The following CDS2 variants were observed in gnomAD, a reference collection of about 807,000 sequenced individuals.
The protein encoded by CDS2 is phosphatidate cytidylyltransferase 2.
Under a neutral mutation model 59.0 loss-of-function variants are expected in CDS2, and 47 were observed. The observed-to-expected ratio is 0.80, with a 90% CI of 0.63 to 1.02. CDS2 has a LOEUF of 1.02. CDS2 is among the 50% of genes least tolerant of loss of function. The pLI is 0.00. For missense variants in CDS2, 356 were observed against 558.9 expected, an observed-to-expected ratio of 0.64 and a Z score of 3.66; for synonymous variants, 207 against 206.4, an observed-to-expected ratio of 1.00 and a Z score of -0.02.
At chr20:5,165,318 A>G (rs2090905520) in intron 1 of CDS2, among the ~76,000 whole-genome samples, 1 of 152,166 alleles carries the variant, frequency 6.6e-6, no homozygotes, top group South Asian at 2.1e-4. Context: ...CTCTAGTGCT[A>G]CTGAGTGCAA....
Position 5,191,490 on chromosome 20 carries a change from G to A in CDS2, c.*1256G>A, listed in dbSNP as rs2091114299. Reference sequence around the variant, plus strand: ...GATTAGTTCTTTGTCAGGCCAACAAGTGATGGAGTGCGGGAGAGAGAACTT... The same window carrying A: ...GATTAGTTCTTTGTCAGGCCAACAAATGATGGAGTGCGGGAGAGAGAACTT... On this transcript the variant is annotated 3_prime_UTR_variant, in exon 13 of 13. Coordinates refer to ENST00000460006, the MANE Select transcript of CDS2 (RefSeq NM_003818.4). The A allele has an allele frequency of 6.6e-6, 1 of 152,176 alleles. No homozygotes were observed. Among genetic ancestry groups the A allele is most frequent in the African/African-American group, 2.4e-5 (1 of 41,448 alleles). The allele number at this position is 152,176 out of a possible 1,614,324, so 9.4% of individuals were successfully genotyped here. A position where few individuals can be genotyped will look rare whatever the true frequency, so the allele number is the denominator to read the frequency against.
At chr20:5,179,418 G>C (rs781744605) in intron 5 of CDS2, among the ~76,000 whole-genome samples, 1 of 152,228 alleles carries the variant, frequency 6.6e-6, no homozygotes, top group East Asian at 1.9e-4. Flanking sequence ...CACCACGCCC[G>C]GCCTTGTAGG....
intron 1 of CDS2, among the ~76,000 whole-genome samples, chr20:5,130,723 C>T (rs1423787754): frequency 2.0e-5 from 3 of 150,766 alleles, no homozygotes; most frequent in East Asian, 2.0e-4. Context: ...GCAGAGGTTC[C>T]GGTGAGCCGA....
intron 1 of CDS2, among the ~76,000 whole-genome samples, chr20:5,163,499 G>A (rs2090890541): frequency 1.3e-5 from 2 of 152,142 alleles, no homozygotes; most frequent in South Asian, 4.1e-4. Context: ...AACCTCAGGT[G>A]ATCCACCCGC....
Position 5,127,019 on chromosome 20 carries a change from C to T in CDS2, c.-74C>T, listed in dbSNP as rs1027189509. 3 of 1,391,306 alleles carry T rather than the reference C, an allele frequency of 2.2e-6. No individual in the cohort carries two copies. The Admixed American group carries it at 8.3e-5, about 38-fold the overall frequency. The allele number at this position is 1,391,306 out of a possible 1,614,324, so 86.2% of individuals were successfully genotyped here. A position where few individuals can be genotyped will look rare whatever the true frequency, so the allele number is the denominator to read the frequency against. Reference sequence around the variant, plus strand: ...GCGGGGCCGGCCGTGGGAGTCCGCGCGTGCCCGCGCCGAGCTGCCTGCTCC... The same window carrying T: ...GCGGGGCCGGCCGTGGGAGTCCGCGTGTGCCCGCGCCGAGCTGCCTGCTCC... On this transcript the variant is annotated 5_prime_UTR_variant, in exon 1 of 13. Transcript: ENST00000460006.
chr20:5,143,627 TTC>T (rs1387901929), intron 1 of CDS2, among the ~76,000 whole-genome samples: 44 of 142,844 alleles, frequency 3.1e-4, no homozygotes, highest in African/African-American at 1.1e-3. Flanking sequence ...CTTCTTCTTC[TTC>T]TTTTTTTTTT....
intron 1 of CDS2, among the ~76,000 whole-genome samples, chr20:5,138,543 T>C (rs1390657142): frequency 6.6e-6 from 1 of 151,904 alleles, no homozygotes; most frequent in African/African-American, 2.4e-5. Flanking sequence ...TGGAGTGCAA[T>C]GGCGCCATTT....
intron 12 of CDS2, 50 bp from the exon 13 acceptor site, chr20:5,190,052 G>A: frequency 6.3e-7 from 1 of 1,599,096 alleles, no homozygotes; most frequent in Non-Finnish European, 8.6e-7. Context: ...ATCAGGCCCT[G>A]GAAGCTTCCG....
intron 1 of CDS2, 135 bp downstream of exon 1, chr20:5,127,284 CG>C: frequency 1.3e-6 from 1 of 768,098 alleles, no homozygotes; most frequent in Non-Finnish European, 1.8e-6. Flanking sequence ...CCGGGTAGCG[CG>C]AAGGGCCCTC....
intron 1 of CDS2, among the ~76,000 whole-genome samples, chr20:5,158,058 C>T (rs1302452014): frequency 6.6e-6 from 1 of 151,636 alleles, no homozygotes; most frequent in Non-Finnish European, 1.5e-5. Context: ...CTTGTTTTAG[C>T]TTATCAGCTA....
At chr20:5,131,606 G>C (rs571680326) in intron 1 of CDS2, among the ~76,000 whole-genome samples, 36 of 152,306 alleles carry the variant, frequency 2.4e-4, no homozygotes, top group African/African-American at 3.8e-4. Flanking sequence ...TTATTTCAAG[G>C]CTTCCTTTCT....
At chr20:5,149,753 T>C (rs2090773694) in intron 1 of CDS2, among the ~76,000 whole-genome samples, 1 of 151,842 alleles carries the variant, frequency 6.6e-6, no homozygotes, top group South Asian at 2.1e-4. Flanking sequence ...CGTCGCTCTT[T>C]TGCCGAGGCT....
chr20:5,175,330 G>T, intron 3 of CDS2, 51 bp downstream of exon 3: 1 of 1,452,888 alleles, frequency 6.9e-7, no homozygotes, highest in East Asian at 2.3e-5. Flanking sequence ...TTTGCTGCAG[G>T]CCCGGTTGTC....
At chr20:5,158,780 G>C (rs572396116) in intron 1 of CDS2, among the ~76,000 whole-genome samples, 1 of 152,300 alleles carries the variant, frequency 6.6e-6, no homozygotes, top group East Asian at 1.9e-4. Context: ...GGTGATCGTT[G>C]TATCTTACAA....
intron 1 of CDS2, among the ~76,000 whole-genome samples, chr20:5,138,096 C>T (rs2090663103): frequency 6.6e-6 from 1 of 150,396 alleles, no homozygotes; most frequent in African/African-American, 2.4e-5. Flanking sequence ...CGCGCCTGGC[C>T]ACATTTATCA....
intron 1 of CDS2, among the ~76,000 whole-genome samples, chr20:5,143,802 T>TCATCCAGGCTGGAGTGCAGTGGCA (rs1197662755): frequency 6.6e-6 from 1 of 150,496 alleles, no homozygotes; most frequent in Non-Finnish European, 1.5e-5. Flanking sequence ...TCTTGCTCTG[T>TCATCCAGGCTGGAGTGCAGTGGCA]CATCCAGGCT....
intron 1 of CDS2, among the ~76,000 whole-genome samples, chr20:5,160,304 G>A (rs1165243792): frequency 2.0e-5 from 3 of 152,204 alleles, no homozygotes; most frequent in Non-Finnish European, 4.4e-5. Context: ...CCCTTGACTG[G>A]TTGAACCTTG....
At chr20:5,135,121 A>G (rs1048594927) in intron 1 of CDS2, among the ~76,000 whole-genome samples, 6 of 152,110 alleles carry the variant, frequency 3.9e-5, no homozygotes, top group South Asian at 4.1e-4. Flanking sequence ...TTATTTTATA[A>G]TAGAGACAGG....
At chr20:5,129,962 T>G (rs2090590900) in intron 1 of CDS2, among the ~76,000 whole-genome samples, 2 of 151,968 alleles carry the variant, frequency 1.3e-5, no homozygotes, top group Admixed American at 1.3e-4. Flanking sequence ...AAACTTTTGT[T>G]TGTTGGTTTG....
Sources: allele counts gnomAD v4.1 joint callset (sites outside exome capture counted in the v4.1 genomes callset), GRCh38; gene constraint gnomAD v4.1.1; transcripts MANE v1.5; gene names NCBI Gene and HGNC (gene_info 2026-07-23, HGNC 2026-07-21).